Variants in GREB1 observed in about 807,000 individuals in gnomAD.
GREB1 encodes the protein protein GREB1.
GREB1 carries 106 observed loss-of-function variants against 200.7 expected under a neutral mutation model. The observed-to-expected ratio is 0.53, with a 90% confidence interval of 0.45 to 0.62. The LOEUF (loss-of-function observed/expected upper bound fraction) is 0.62, where lower values mean the gene tolerates loss of function less well. Among genes scored for constraint, GREB1 ranks in the 20% least tolerant of loss-of-function variants. The probability of loss-of-function intolerance (pLI) is 0.00; values close to 1 mark genes in which losing one functional copy is unlikely to be tolerated. For synonymous variants in GREB1, 1,132 were observed against 1,092.4 expected (o/e 1.04, Z -0.72); for missense variants, 2,243 against 2,556.8 (o/e 0.88, Z 2.65).
chr2:11,591,185 A>G (rs1680693791), intron 10 of GREB1, among the ~76,000 whole-genome samples: 1 of 152,222 alleles, frequency 6.6e-6, no homozygotes, highest in South Asian at 2.1e-4. Context: ...AGCTAATTCA[A>G]GTAGTGAATT....
intron 5 of GREB1, among the ~76,000 whole-genome samples, chr2:11,577,212 C>G (rs1678956297): frequency 6.6e-6 from 1 of 151,820 alleles, no homozygotes; most frequent in Non-Finnish European, 1.5e-5. Context: ...GTGGCCATAA[C>G]TCAAGACAAG....
intron 10 of GREB1, chr2:11,591,878 C>A: frequency 3.1e-6 from 1 of 323,322 alleles, no homozygotes; most frequent in Non-Finnish European, 4.5e-6. Context: ...GAAAATGGCA[C>A]TGAAACTGAT....
upstream of GREB1, among the ~76,000 whole-genome samples, chr2:11,532,966 C>G (rs918537235): frequency 6.6e-5 from 10 of 152,138 alleles, no homozygotes; most frequent in Admixed American, 6.5e-4. Flanking sequence ...GCCAAGAAAA[C>G]TGAGGCTCTG....
chr2:11,496,332 G>A (rs1447383719), intron 1 of GREB1, among the ~76,000 whole-genome samples: 2 of 152,198 alleles, frequency 1.3e-5, no homozygotes, highest in Non-Finnish European at 2.9e-5. Context: ...TTGTTAGGAT[G>A]TGAACCCTCT....
chr2:11,545,104 C>T lies in GREB1; in HGVS notation c.-162+10850C>T, dbSNP rs1048650276. 3.3e-5 allele frequency among the ~76,000 whole-genome samples: 5 copies of T among 150,870 alleles called. No homozygotes were observed. The South Asian group carries it at 8.4e-4, about 25-fold the overall frequency. ...TGTTGGGATTACAGGTGTGAGCCAC[C>T]GGCCCGGCCTGCTCTCGGTTTTCTT... On this transcript the variant is annotated intron_variant, in intron 1 of 32. Coordinates refer to ENST00000381486, the MANE Select transcript of GREB1 (RefSeq NM_014668.4).
rs148843809 is a variant in GREB1, at chr2:11,501,895, G to GTTTTTTTTTTTT, written c.-159+19523_-159+19524insTTTTTTTTTTTT. ...TTACTTATTAGAGCCTGGATTTCCTGTTTTTTTTTGTTTTTTTTTTTTTTT... is the reference window on the plus strand; with the variant it reads ...TTACTTATTAGAGCCTGGATTTCCTGTTTTTTTTTTTTTTTTTTTTTGTTTTTTTTTTTTTTT... On this transcript the variant is annotated intron_variant, in intron 1 of 2. Transcript: ENST00000628795. 7.9e-4 allele frequency among the ~76,000 whole-genome samples: 36 copies of GTTTTTTTTTTTT among 45,564 alleles called. 14 individuals are homozygous for GTTTTTTTTTTTT. The highest frequency in any genetic ancestry group is 1.2e-3 in the African/African-American group (14 of 11,246). 29.9% of individuals were successfully genotyped at this position (45,564 alleles called of 152,430 possible). A position where few individuals can be genotyped will look rare whatever the true frequency, so the allele number is the denominator to read the frequency against.
At chr2:11,626,038 G>A (rs1312502557) in intron 24 of GREB1, among the ~76,000 whole-genome samples, 1 of 151,974 alleles carries the variant, frequency 6.6e-6, no homozygotes, top group African/African-American at 2.4e-5. Flanking sequence ...ACAGTATTAG[G>A]GAAACTGCCC....
intron 1 of GREB1, among the ~76,000 whole-genome samples, chr2:11,522,335 G>A (rs954146024): frequency 2.8e-4 from 42 of 152,044 alleles, no homozygotes; most frequent in African/African-American, 1.0e-3. Flanking sequence ...TTTCACACAC[G>A]TCTGCAATTC....
intron 2 of GREB1, among the ~76,000 whole-genome samples, chr2:11,560,184 C>T (rs987160851): frequency 2.0e-5 from 3 of 152,188 alleles, no homozygotes; most frequent in Admixed American, 1.3e-4. Flanking sequence ...ATCAGATGCA[C>T]AGAGAGGTTA....
intron 2 of GREB1, 65 bp downstream of exon 2, chr2:11,556,836 A>G: frequency 8.1e-7 from 1 of 1,234,916 alleles, no homozygotes; most frequent in Non-Finnish European, 1.1e-6. Context: ...TGTTAGCACC[A>G]GAACTTGAAA....
At chr2:11,598,374 G>A (rs1311643374) in intron 14 of GREB1, among the ~76,000 whole-genome samples, 27 of 152,260 alleles carry the variant, frequency 1.8e-4, no homozygotes, top group Admixed American at 1.7e-3. Flanking sequence ...GAGGGATTTT[G>A]CTGCTGGCAG....
At chr2:11,533,930 C>A (rs910096470), upstream of GREB1, among the ~76,000 whole-genome samples, 1 of 152,180 alleles carries the variant, frequency 6.6e-6, no homozygotes, top group Non-Finnish European at 1.5e-5. Context: ...GCAATAAAAA[C>A]CGCAGGGTTT....
rs772018804 is a variant in GREB1 at position 11,566,495 on chromosome 2, G to A, written c.293G>A (p.Gly98Glu). 6.2e-7 allele frequency: 1 copy of A among 1,610,426 alleles called. No individual in the cohort carries two copies. The highest frequency in any genetic ancestry group is 8.5e-7 in the Non-Finnish European group (1 of 1,177,862). The change falls in exon 4 of 33, where the codon GGG becomes GAG. Residue 98 changes from glycine to glutamate, a missense_variant. Physicochemically the swap from Gly to Glu is moderately conservative, Grantham distance 98 (BLOSUM62 -2). This residue lies in a region of GREB1 where 1,178 missense variants were observed against 1,387.4 expected (regional missense o/e 0.85). Transcript: ENST00000381486. ...CCCCTCCTAGGGTTTTGCCAGGCCG[G>A]GAAGGACCTGCGCCTTGTCTCCATT... ...CCTTDGFCQA[G>E]KDLRLVSISN...
At chr2:11,635,676 C>T (rs958182258) in intron 30 of GREB1, among the ~76,000 whole-genome samples, 3 of 152,102 alleles carry the variant, frequency 2.0e-5, no homozygotes, top group African/African-American at 4.8e-5. Flanking sequence ...TCTCACCTGC[C>T]CCAGCTGGGT....
intron 1 of GREB1, among the ~76,000 whole-genome samples, chr2:11,524,051 TCACACACA>T (rs144358585): frequency 6.6e-6 from 1 of 150,486 alleles, no homozygotes; most frequent in African/African-American, 2.4e-5. Context: ...GCATGCACAC[TCACACACA>T]CACACACACA....
At chr2:11,607,748 C>T (rs915767198) in intron 17 of GREB1, among the ~76,000 whole-genome samples, 3 of 151,824 alleles carry the variant, frequency 2.0e-5, no homozygotes, top group African/African-American at 4.8e-5. Context: ...TACATAGTTA[C>T]TGTGTTTATT....
intron 1 of GREB1, among the ~76,000 whole-genome samples, chr2:11,536,809 C>T (rs962390149): frequency 5.3e-5 from 8 of 152,122 alleles, no homozygotes; most frequent in East Asian, 1.9e-4. Flanking sequence ...AAAGTCATTG[C>T]AATTCACACC....
rs746721787 is a variant in GREB1 at position 11,595,258 on chromosome 2, C to G, written c.1704C>G (p.Tyr568Ter). The change falls in exon 12 of 33, where the codon TAC becomes TAG. Residue 568 changes from tyrosine (Y) to a stop codon, truncating the protein, a stop_gained. Coordinates refer to ENST00000381486, the MANE Select transcript of GREB1 (RefSeq NM_014668.4). LOFTEE classifies it high-confidence loss of function. ...AATCTGTTTGCTTTCCAGGAAAATA[C>G]CAAGCCCGGATTCTTTCCGAGAGCC... ...IDSCIAVTGK[Y>*]QARILSESLL... 6.2e-7 allele frequency: 1 copy of G among 1,612,778 alleles called. No individual in the cohort carries two copies. Among genetic ancestry groups the G allele is most frequent in the South Asian group, 1.1e-5 (1 of 90,796 alleles).
intron 4 of GREB1, among the ~76,000 whole-genome samples, chr2:11,572,489 A>G (rs73915434): frequency 0.017 from 2,597 of 152,294 alleles, 89 homozygotes; most frequent in African/African-American, 0.058. Context: ...TCCAAGAAGA[A>G]TCATGTCACT....
Sources: gnomAD v4.1 joint callset for allele counts (sites outside exome capture counted in the v4.1 genomes callset) on GRCh38, gnomAD v4.1.1 for gene constraint, gnomAD v4.1.1 regional missense constraint, MANE v1.5 for transcripts, NCBI Gene and HGNC (gene_info 2026-07-23, HGNC 2026-07-21) for gene names.